SDK2: variants seen among roughly 807,000 people sequenced by gnomAD.
SDK2 encodes sidekick cell adhesion molecule 2.
A neutral mutation model predicts 253.9 loss-of-function variants in SDK2; 105 were observed. The observed-to-expected ratio is 0.41, with a 90% CI of 0.35 to 0.49. The LOEUF is 0.49. SDK2 is among the 20% of genes least tolerant of loss of function. The pLI, the probability that SDK2 is intolerant of heterozygous loss-of-function variation, is 0.06. For synonymous variants in SDK2, 1,249 were observed against 1,234.9 expected (o/e 1.01, Z -0.24); for missense variants, 2,608 against 3,003.0 (o/e 0.87, Z 3.07).
chr17:73,605,732 G>C (rs1465771247), intron 1 of SDK2, among the ~76,000 whole-genome samples: 2 of 151,570 alleles, frequency 1.3e-5, no homozygotes, highest in Non-Finnish European at 2.9e-5. Context: ...ACCTGTTTGG[G>C]TTCCTCACTA....
chr17:73,348,637 T>C lies in SDK2; in HGVS notation c.6127A>G (p.Ser2043Gly). Reference protein sequence around the residue: ...YNDLIPAESSSLTEKPSEISD... With the variant: ...YNDLIPAESSGLTEKPSEISD... ...ATTTCTGAGGGCTTCTCCGTCAGGCTGCTGCTCTCTGCAGGGATGAGGTCG... is the reference window on the plus strand; with the variant it reads ...ATTTCTGAGGGCTTCTCCGTCAGGCCGCTGCTCTCTGCAGGGATGAGGTCG... Residue 2043 changes from serine (S) to glycine (G), a missense_variant, in exon 44 of 45, where the codon AGC becomes GGC. By Grantham distance (56) the Ser-to-Gly change is moderately conservative. This residue lies in a region of SDK2 where 1,103 missense variants were observed against 1,143.9 expected (regional missense o/e 0.96). Transcript: ENST00000392650. The C allele has an allele frequency of 6.2e-7, 1 of 1,613,192 alleles. No individual in the cohort carries two copies. Among genetic ancestry groups the C allele is most frequent in the Non-Finnish European group, 8.5e-7 (1 of 1,179,810 alleles).
intron 44 of SDK2, 138 bp from the exon 45 acceptor site, chr17:73,339,078 C>A: frequency 1.3e-6 from 1 of 750,490 alleles, no homozygotes; most frequent in Non-Finnish European, 2.2e-6. Context: ...GCCTCCCAGC[C>A]CCCTCACTGC....
intron 3 of SDK2, among the ~76,000 whole-genome samples, chr17:73,459,172 C>G (rs973534610): frequency 6.6e-6 from 1 of 152,194 alleles, no homozygotes; most frequent in Non-Finnish European, 1.5e-5. Context: ...TTACCAAGGT[C>G]CCTCTGGTTC....
At chr17:73,463,982 T>C (rs2063581300) in intron 3 of SDK2, among the ~76,000 whole-genome samples, 1 of 152,240 alleles carries the variant, frequency 6.6e-6, no homozygotes, top group Non-Finnish European at 1.5e-5. Context: ...CCAGCAGCCA[T>C]GTGAGTTTCC....
intron 2 of SDK2, among the ~76,000 whole-genome samples, chr17:73,483,479 T>TTGTG (rs146198916): frequency 0.018 from 2,324 of 127,640 alleles, 59 homozygotes; most frequent in African/African-American, 0.055. Flanking sequence ...TGGCTAATCT[T>TTGTG]TGTGTGTGTG....
At chr17:73,404,444 G>T (rs759524029) in intron 18 of SDK2, among the ~76,000 whole-genome samples, 6 of 152,136 alleles carry the variant, frequency 3.9e-5, no homozygotes, top group Non-Finnish European at 8.8e-5. Flanking sequence ...ACACAACAGG[G>T]CTTCCACCTG....
Position 73,447,228 on chromosome 17 carries a change from C to T in SDK2, c.613+387G>A, listed in dbSNP as rs1180549702. Among the ~76,000 whole-genome samples, 1 of 152,150 alleles carries T rather than the reference C, an allele frequency of 6.6e-6. No homozygotes were observed. The highest frequency in any genetic ancestry group is 1.5e-5 in the Non-Finnish European group (1 of 68,030). On this transcript the variant is annotated intron_variant, in intron 5 of 44. Coordinates refer to ENST00000392650, the MANE Select transcript of SDK2 (RefSeq NM_001144952.2). This position sits in a 1 kb window ranked among gnomAD's most constrained non-coding sequence, Gnocchi z 4.0. ...AGTATATTTCTGTAAAAACAAGCTT[C>T]AGCCCTGCAATCACCCACATGCCCT...
At chr17:73,468,268 C>A (rs1041297041) in intron 3 of SDK2, among the ~76,000 whole-genome samples, 1 of 152,188 alleles carries the variant, frequency 6.6e-6, no homozygotes, top group Non-Finnish European at 1.5e-5. Flanking sequence ...GTATTAATTG[C>A]AGCAGTCACT....
chr17:73,369,175 A>T (rs867998), intron 36 of SDK2: 1 of 470,114 alleles, frequency 2.1e-6, no homozygotes, highest in East Asian at 6.9e-5. Flanking sequence ...GCGCTGGCAC[A>T]TCAGCACTTA....
chr17:73,386,328 C>T (rs1248154271), intron 31 of SDK2, 117 bp downstream of exon 31: 3 of 764,218 alleles, frequency 3.9e-6, no homozygotes, highest in Non-Finnish European at 6.6e-6. Flanking sequence ...GCTGAAGGGC[C>T]CAGTGGGTCC....
At position 73,393,804 on chromosome 17, in the gene SDK2, AC is replaced by A. The variant is rs1178038216; in HGVS notation, c.3709-56del. 5 of 1,381,504 alleles carry A rather than the reference AC, an allele frequency of 3.6e-6. No homozygotes were observed. In the African/African-American group the frequency reaches 5.8e-5, roughly 16 times the overall value. 85.6% of individuals were successfully genotyped at this position (1,381,504 alleles called of 1,614,324 possible). On this transcript the variant is annotated intron_variant, in intron 26 of 44. Coordinates refer to ENST00000392650, the MANE Select transcript of SDK2 (RefSeq NM_001144952.2). ...TCAGGCCTGCATCTCACCCATCTAC[AC>A]TTTTCCCGAGTCTCATCCCCAGGAT...
Position 73,531,891 on chromosome 17 carries a change from C to T in SDK2, c.65-24294G>A, listed in dbSNP as rs575602302. On this transcript the variant is annotated intron_variant, in intron 1 of 44. Transcript: ENST00000392650. The stretch of plus-strand genomic sequence containing the variant: ...CTGTCAATCCACTGCCTGATGCCTG[C>T]GGCCTGTGCCCACCCACCAGCTTCT... Among the ~76,000 whole-genome samples the T allele has an allele frequency of 9.2e-5, 14 of 152,272 alleles. 1 individual carries two copies. Among genetic ancestry groups the T allele is most frequent in the South Asian group, 2.1e-4 (1 of 4,830 alleles).
intron 44 of SDK2, among the ~76,000 whole-genome samples, chr17:73,345,942 C>T (rs774913625): frequency 1.3e-5 from 2 of 152,256 alleles, no homozygotes; most frequent in South Asian, 4.1e-4. Flanking sequence ...TGCTGTGGCT[C>T]ACACCTGTGA....
At chr17:73,344,164 G>A (rs150140949) in intron 44 of SDK2, among the ~76,000 whole-genome samples, 42 of 152,248 alleles carry the variant, frequency 2.8e-4, no homozygotes, top group African/African-American at 9.6e-4. Context: ...CAATTTTGTC[G>A]AGGCTCTGGG....
intron 1 of SDK2, among the ~76,000 whole-genome samples, chr17:73,601,556 AG>A (rs2045840374): frequency 1.3e-5 from 2 of 152,178 alleles, no homozygotes; most frequent in South Asian, 4.2e-4. Flanking sequence ...ACAGAGACAT[AG>A]GGATAGGGCC....
chr17:73,583,451 G>A (rs2145886267), intron 1 of SDK2, among the ~76,000 whole-genome samples: 1 of 152,246 alleles, frequency 6.6e-6, no homozygotes, highest in Non-Finnish European at 1.5e-5. Flanking sequence ...ATCTCGTGAT[G>A]CATCCCATCT....
At chr17:73,424,232 G>T (rs141708953) in intron 12 of SDK2, 140 bp from the exon 13 acceptor site, 3 of 683,762 alleles carry the variant, frequency 4.4e-6, no homozygotes, top group Non-Finnish European at 7.3e-6. Flanking sequence ...AGGACACTGG[G>T]ATCGGGGAGC....
At chr17:73,579,207 G>A (rs1223890068) in intron 1 of SDK2, among the ~76,000 whole-genome samples, 1 of 152,066 alleles carries the variant, frequency 6.6e-6, no homozygotes, top group African/African-American at 2.4e-5. Context: ...CTCATCCTCC[G>A]CAGTCTCCCC....
At position 73,358,107 on chromosome 17, in the gene SDK2, G is replaced by A; in HGVS notation, c.5565C>T (p.Thr1855=). 5 of 1,613,450 alleles carry A rather than the reference G, an allele frequency of 3.1e-6. No individual in the cohort carries two copies. Among genetic ancestry groups the A allele is most frequent in the Non-Finnish European group, 4.2e-6 (5 of 1,179,792 alleles). Residue 1855 remains threonine (T), a synonymous_variant, in exon 40 of 45, where the codon ACC becomes ACT. Coordinates refer to ENST00000392650, the MANE Select transcript of SDK2 (RefSeq NM_001144952.2). ...SSGDPGKGPI[T]RYVIEARPSD... ...AAGGTCTGGCCTCGATGACGTAGCG[G>A]GTGATGGGCCCTTTGCCCGGGTCTC...
Sources: gnomAD v4.1 joint callset for allele counts (sites outside exome capture counted in the v4.1 genomes callset) on GRCh38, gnomAD v4.1.1 for gene constraint, gnomAD v4.1.1 regional missense constraint, Gnocchi (gnomAD v3.1) non-coding constraint, MANE v1.5 for transcripts, NCBI Gene and HGNC (gene_info 2026-07-23, HGNC 2026-07-21) for gene names.